KCNG2: variants seen among roughly 807,000 people sequenced by gnomAD.
KCNG2 encodes the protein potassium voltage-gated channel modifier subfamily G member 2, also known as voltage-gated potassium channel regulatory subunit KCNG2.
KCNG2 carries 7 observed loss-of-function variants against 12.3 expected under a neutral mutation model. The observed-to-expected ratio is 0.57, with a 90% CI of 0.32 to 1.07. The LOEUF (loss-of-function observed/expected upper bound fraction) is 1.07, where lower values mean the gene tolerates loss of function less well. KCNG2 is among the 50% of genes least tolerant of loss of function. KCNG2 has a pLI of 0.04. For missense variants in KCNG2, 703 were observed against 726.0 expected (o/e 0.97, Z 0.36); for synonymous variants, 414 against 351.4 (o/e 1.18, Z -1.99).
At chr18:79,864,355 C>G in intron 3 of KCNG2, 64 bp downstream of exon 3, 2 of 80,354 alleles carry the variant, frequency 2.5e-5, no homozygotes, top group Non-Finnish European at 4.8e-5. Flanking sequence ...ATCTGGGCTG[C>G]GGGGAGGTGG....
At chr18:79,864,573 C>T (rs1414821858) in intron 3 of KCNG2, among the ~76,000 whole-genome samples, 1 of 152,238 alleles carries the variant, frequency 6.6e-6, no homozygotes, top group African/African-American at 2.4e-5. Flanking sequence ...GGTCCACAGG[C>T]CGCCGGAAAC....
chr18:79,880,316 C>CAAAAAA (rs59558361), intron 3 of KCNG2, among the ~76,000 whole-genome samples: 3 of 101,374 alleles, frequency 3.0e-5, no homozygotes, highest in Non-Finnish European at 5.8e-5. Flanking sequence ...GACTCTGTCT[C>CAAAAAA]AAAAAAAAAA....
chr18:79,834,348 G>T (rs1445028453), intron 1 of KCNG2, among the ~76,000 whole-genome samples: 1 of 152,198 alleles, frequency 6.6e-6, no homozygotes, highest in Non-Finnish European at 1.5e-5. Flanking sequence ...TAGACTCTCA[G>T]TTTCTGGGAG....
chr18:79,820,911 G>A (rs770520194), intron 1 of KCNG2, among the ~76,000 whole-genome samples: 4 of 152,112 alleles, frequency 2.6e-5, no homozygotes, highest in South Asian at 4.1e-4. Flanking sequence ...GCCTCCCAAC[G>A]TGCTGGGATT....
At chr18:79,836,807 A>G (rs1018718889) in intron 1 of KCNG2, among the ~76,000 whole-genome samples, 5 of 152,128 alleles carry the variant, frequency 3.3e-5, no homozygotes, top group South Asian at 2.1e-4. Flanking sequence ...CCGTAATCCA[A>G]TCACCTCCCA....
At chr18:79,834,835 G>A (rs1238035207) in intron 1 of KCNG2, among the ~76,000 whole-genome samples, 1 of 152,204 alleles carries the variant, frequency 6.6e-6, no homozygotes, top group Non-Finnish European at 1.5e-5. Context: ...GGTTCCTGAT[G>A]GCTGAGTGCA....
intron 1 of KCNG2, among the ~76,000 whole-genome samples, chr18:79,818,322 A>C (rs933171844): frequency 2.0e-5 from 3 of 152,206 alleles, no homozygotes; most frequent in African/African-American, 7.2e-5. Flanking sequence ...GGAGCCCAAG[A>C]GGGGCGTGGA....
chr18:79,854,244 C>T (rs1978927686), intron 1 of KCNG2, among the ~76,000 whole-genome samples: 1 of 152,218 alleles, frequency 6.6e-6, no homozygotes, highest in Admixed American at 6.5e-5. Context: ...TCACCAGAGC[C>T]CCCAGCCCCT....
rs1980437524 is a variant in KCNG2 at position 79,884,333 on chromosome 18, C to T, written c.625-14707C>T. Among the ~76,000 whole-genome samples, 2 of 152,182 alleles carry T rather than the reference C, an allele frequency of 1.3e-5. No homozygotes were observed. The highest frequency in any genetic ancestry group is 4.8e-5 in the African/African-American group (2 of 41,450). ...GGTCCCACCTAATGACACACACTCC[C>T]GTTCTCAGTCCTTCAAGGAGGCCCC... On this transcript the variant is annotated intron_variant, in intron 3 of 3. Transcript: ENST00000316249. The surrounding 1 kb of genome is among the most constrained non-coding windows in gnomAD (Gnocchi z 5.5).
chr18:79,836,502 G>A (rs139517156), intron 1 of KCNG2, among the ~76,000 whole-genome samples: 68 of 152,226 alleles, frequency 4.5e-4, no homozygotes, highest in African/African-American at 1.6e-3. Context: ...TTTTTCTTGA[G>A]GTAACCATGA....
chr18:79,851,147 G>A (rs1257378401), intron 1 of KCNG2, among the ~76,000 whole-genome samples: 1 of 152,228 alleles, frequency 6.6e-6, no homozygotes, highest in Non-Finnish European at 1.5e-5. Context: ...GGAGGAACAC[G>A]TACAATGCTT....
Position 79,822,518 on chromosome 18 carries a change from C to A in KCNG2, c.-115+24504C>A, listed in dbSNP as rs889456123. ...GTAGTGTTGCAGTCATGGCTCCCTG[C>A]AGCCTCAGCCTCCAGGGCTCAAGCA... is the stretch of plus-strand genomic sequence containing the variant. On this transcript the variant is annotated intron_variant, in intron 1 of 3. Transcript: ENST00000316249. The surrounding 1 kb of genome is among the most constrained non-coding windows in gnomAD (Gnocchi z 4.4). 6.6e-6 allele frequency among the ~76,000 whole-genome samples: 1 copy of A among 152,190 alleles called. No homozygotes were observed. The highest frequency in any genetic ancestry group is 6.5e-5 in the Admixed American group (1 of 15,282).
intron 3 of KCNG2, among the ~76,000 whole-genome samples, chr18:79,887,272 C>T (rs1011268624): frequency 3.3e-5 from 5 of 151,892 alleles, no homozygotes; most frequent in Non-Finnish European, 5.9e-5. Context: ...CCTGTGAGGA[C>T]ATGGGGACAG....
chr18:79,819,684 G>A (rs1337926264), intron 1 of KCNG2, among the ~76,000 whole-genome samples: 3 of 152,202 alleles, frequency 2.0e-5, no homozygotes, highest in Non-Finnish European at 2.9e-5. Flanking sequence ...ACGGCTCCTC[G>A]GTGTGACTGG....
chr18:79,897,865 A>C (rs12606295), intron 3 of KCNG2, among the ~76,000 whole-genome samples: 19,156 of 151,810 alleles, frequency 0.13, 1,567 homozygotes, highest in East Asian at 0.36. Context: ...CTTGGGGAGC[A>C]ACCTCTTCTC....
At chr18:79,825,886 G>A (rs867706601) in intron 1 of KCNG2, among the ~76,000 whole-genome samples, 17 of 152,366 alleles carry the variant, frequency 1.1e-4, no homozygotes, top group Middle Eastern at 6.8e-3. Context: ...CTTCCTTCCG[G>A]AAGTTTCTTT....
At position 79,863,888 on chromosome 18, in the gene KCNG2, G is replaced by T; in HGVS notation, c.221G>T (p.Ser74Ile). The stretch of plus-strand genomic sequence containing the variant: ...CGCGACGAGTTCTTCTTCGACCGCA[G>T]CCCGTGCGCCTTCCGCGCCATCGTG... ...VSRDEFFFDR[S>I]PCAFRAIVAL... The change falls in exon 3 of 4, where the codon AGC becomes ATC. Residue 74 changes from serine (S) to isoleucine (I), a missense_variant. Ser to Ile is a moderately radical substitution (Grantham distance 142). Coordinates refer to ENST00000316249, the MANE Select transcript of KCNG2 (RefSeq NM_012283.2). 6.8e-7 allele frequency: 1 copy of T among 1,463,140 alleles called. No individual in the cohort carries two copies. The highest frequency in any genetic ancestry group is 1.3e-5 in the South Asian group (1 of 78,516). The allele number at this position is 1,463,140 out of a possible 1,614,324, so 90.6% of individuals were successfully genotyped here. A position where few individuals can be genotyped will look rare whatever the true frequency, so the allele number is the denominator to read the frequency against.
intron 3 of KCNG2, among the ~76,000 whole-genome samples, chr18:79,865,272 C>G (rs1202110802): frequency 5.8e-5 from 6 of 104,004 alleles, no homozygotes; most frequent in South Asian, 3.8e-4. Flanking sequence ...GTGCTGAGGT[C>G]TGTGTGCTGA....
intron 1 of KCNG2, among the ~76,000 whole-genome samples, chr18:79,827,161 G>GCTTA (rs1195058293): frequency 6.6e-6 from 1 of 152,162 alleles, no homozygotes; most frequent in East Asian, 1.9e-4. Flanking sequence ...AGATACTGAA[G>GCTTA]CTTAGCAGGT....
Sources: gnomAD v4.1 joint callset for allele counts (sites outside exome capture counted in the v4.1 genomes callset) on GRCh38, gnomAD v4.1.1 for gene constraint, Gnocchi (gnomAD v3.1) non-coding constraint, MANE v1.5 for transcripts, NCBI Gene and HGNC (gene_info 2026-07-23, HGNC 2026-07-21) for gene names.